NCAM1: variants seen among roughly 807,000 people sequenced by gnomAD.
NCAM1 encodes the protein neural cell adhesion molecule 1.
NCAM1 carries 14 observed loss-of-function variants against 109.8 expected under a neutral mutation model. The observed-to-expected ratio is 0.13, with a 90% CI of 0.08 to 0.20. The LOEUF is 0.20. NCAM1 is among the 10% of genes least tolerant of loss of function. The pLI, the probability that NCAM1 is intolerant of heterozygous loss-of-function variation, is 1.00. For synonymous variants in NCAM1, 418 were observed against 442.9 expected (o/e 0.94, Z 0.70); for missense variants, 774 against 1,109.9 (o/e 0.70, Z 4.30).
Position 113,134,255 on chromosome 11 carries a change from A to G in NCAM1, c.53-68124A>G, listed in dbSNP as rs542896553. ...ATAGTATTTGTCTTTTTATGACTGCATTATTTTACGTAGCATAATAGCCTC... is the reference window on the plus strand; with the variant it reads ...ATAGTATTTGTCTTTTTATGACTGCGTTATTTTACGTAGCATAATAGCCTC... On this transcript the variant is annotated intron_variant, in intron 1 of 19. Transcript: ENST00000316851. Among the ~76,000 whole-genome samples, 13 of 152,274 alleles carry G rather than the reference A, an allele frequency of 8.5e-5. No individual in the cohort carries two copies. In the East Asian group the frequency reaches 2.5e-3, roughly 29 times the overall value.
chr11:113,056,074 A>G (rs1565409392), intron 1 of NCAM1, among the ~76,000 whole-genome samples: 1 of 146,012 alleles, frequency 6.8e-6, no homozygotes, highest in Admixed American at 6.9e-5. Flanking sequence ...CTATTCATCT[A>G]GAAAAAAGAA....
intron 1 of NCAM1, among the ~76,000 whole-genome samples, chr11:113,150,492 A>G (rs570991645): frequency 6.6e-6 from 1 of 152,250 alleles, no homozygotes; most frequent in Admixed American, 6.5e-5. Context: ...TGCTATATTT[A>G]ATTCAACTCC....
chr11:113,162,923 T>G (rs1294393634), intron 1 of NCAM1, among the ~76,000 whole-genome samples: 1 of 152,198 alleles, frequency 6.6e-6, no homozygotes, highest in East Asian at 1.9e-4. Context: ...AAAGAGGCTC[T>G]CAGCTTGGGT....
rs781843716 is a variant in NCAM1, at chr11:113,260,322, A to G, written c.2130A>G (p.Pro710=). 6.2e-7 allele frequency: 1 copy of G among 1,610,098 alleles called. No homozygotes were observed. Among genetic ancestry groups the G allele is most frequent in the East Asian group, 2.2e-5 (1 of 44,828 alleles). The part of the protein sequence containing the change: ...FRTSAQPTAI[P]ANGSPTSGLS... ...CCTCGGCCCAGCCCACAGCCATCCC[A>G]GGTATGGCTGCCTCTGCTTTCTGTT... The change falls in exon 17 of 20, where the codon CCA becomes CCG. Residue 710 remains proline (P), a splice_region_variant and synonymous_variant. Transcript: ENST00000316851.
intron 7 of NCAM1, among the ~76,000 whole-genome samples, chr11:113,211,622 C>G (rs1555113659): frequency 2.0e-5 from 3 of 152,204 alleles, no homozygotes; most frequent in Non-Finnish European, 4.4e-5. Context: ...AGGTCTCATG[C>G]TGCTGTGGCT....
rs1441787727 is a variant in NCAM1, at chr11:113,274,259, C to T, written c.2457-1008C>T. Reference sequence around the variant, plus strand: ...GCTCACCCTCCCCTCCCAACCCCGGCCCCCAGCCCACTCTTGCTTCTCCTG... The same window carrying T: ...GCTCACCCTCCCCTCCCAACCCCGGTCCCCAGCCCACTCTTGCTTCTCCTG... On this transcript the variant is annotated intron_variant, in intron 19 of 19. Transcript: ENST00000316851. This position sits in a 1 kb window ranked among gnomAD's most constrained non-coding sequence, Gnocchi z 4.1. Among the ~76,000 whole-genome samples the T allele has an allele frequency of 6.6e-6, 1 of 152,210 alleles. No homozygotes were observed. Among genetic ancestry groups the T allele is most frequent in the African/African-American group, 2.4e-5 (1 of 41,454 alleles).
chr11:112,967,830 A>G (rs1380891287), intron 1 of NCAM1, among the ~76,000 whole-genome samples: 1 of 152,214 alleles, frequency 6.6e-6, no homozygotes, highest in African/African-American at 2.4e-5. Flanking sequence ...TGGCCTGATT[A>G]TAAGGTTGAA....
At position 113,141,608 on chromosome 11, in the gene NCAM1, C is replaced by T. The variant is rs571243456; in HGVS notation, c.53-60771C>T. ...AGGTTGCAGTGAGCTGAGATTGTGC[C>T]ACTGCACTCCAGCCTGGCGACAGAG... On this transcript the variant is annotated intron_variant, in intron 1 of 19. Coordinates refer to ENST00000316851, the MANE Select transcript of NCAM1 (RefSeq NM_181351.5). 3.9e-5 allele frequency among the ~76,000 whole-genome samples: 6 copies of T among 152,296 alleles called. No individual in the cohort carries two copies. The South Asian group carries it at 1.2e-3, about 32-fold the overall frequency.
At position 113,111,192 on chromosome 11, in the gene NCAM1, G is replaced by C. The variant is rs17114863; in HGVS notation, c.53-91187G>C. On this transcript the variant is annotated intron_variant, in intron 1 of 19. Coordinates refer to ENST00000316851, the MANE Select transcript of NCAM1 (RefSeq NM_181351.5). ...AATATCATACACAGCATTTGTGTGT[G>C]ATATTTAAACAAAGCATTTGTTTTC... Among the ~76,000 whole-genome samples the C allele has an allele frequency of 9.1e-3, 1,383 of 152,162 alleles. 45 individuals are homozygous for C. The highest frequency in any genetic ancestry group is 0.085 in the East Asian group (439 of 5,170).
At chr11:113,238,091 C>A (rs962074679) in intron 14 of NCAM1, among the ~76,000 whole-genome samples, 23 of 151,074 alleles carry the variant, frequency 1.5e-4, no homozygotes, top group Admixed American at 1.3e-4. Context: ...GTCTCCAGAC[C>A]TTGTTGTTTA....
chr11:113,261,998 G>A (rs1420782357), intron 17 of NCAM1, among the ~76,000 whole-genome samples: 2 of 152,142 alleles, frequency 1.3e-5, no homozygotes, highest in Non-Finnish European at 2.9e-5. Context: ...AGCCAGAGAG[G>A]GCTGGGGGAT....
chr11:113,159,126 G>C (rs770227620), intron 1 of NCAM1, among the ~76,000 whole-genome samples: 54 of 152,092 alleles, frequency 3.6e-4, no homozygotes, highest in Admixed American at 5.9e-4. Context: ...ATGCCTGTGA[G>C]ATTTCCACAA....
rs1413653199 is a variant in NCAM1, at chr11:113,275,877, CTG to C, written c.*492_*493del. 6.5e-6 allele frequency: 1 copy of C among 153,144 alleles called. No homozygotes were observed. Among genetic ancestry groups the C allele is most frequent in the Admixed American group, 6.5e-5 (1 of 15,398 alleles). The allele number at this position is 153,144 out of a possible 1,614,324, so 9.5% of individuals were successfully genotyped here. ...TTATACTTTCAGTCAAGTTTGAACT[CTG>C]TAAAACCTCATAAATAAGTTATAAT... On this transcript the variant is annotated 3_prime_UTR_variant, in exon 20 of 20. Coordinates refer to ENST00000316851, the MANE Select transcript of NCAM1 (RefSeq NM_181351.5).
At chr11:113,241,559 A>T (rs1228383756) in intron 14 of NCAM1, among the ~76,000 whole-genome samples, 10 of 152,338 alleles carry the variant, frequency 6.6e-5, no homozygotes, top group African/African-American at 2.2e-4. Flanking sequence ...GCCAGCAGTA[A>T]TGTCAGCTGG....
intron 1 of NCAM1, among the ~76,000 whole-genome samples, chr11:113,199,414 T>C (rs1356051033): frequency 6.6e-6 from 1 of 152,118 alleles, no homozygotes; most frequent in Non-Finnish European, 1.5e-5. Flanking sequence ...TGCTTCGTGT[T>C]TGGGGAAGAA....
At chr11:113,107,524 A>T (rs1337842257) in intron 1 of NCAM1, among the ~76,000 whole-genome samples, 1 of 152,204 alleles carries the variant, frequency 6.6e-6, no homozygotes, top group Admixed American at 6.5e-5. Context: ...ACGGAGTCAC[A>T]GTTCTAAGTG....
chr11:113,259,958 C>A, intron 16 of NCAM1, 188 bp from the exon 17 acceptor site: 1 of 502,174 alleles, frequency 2.0e-6, no homozygotes, highest in Non-Finnish European at 3.5e-6. Context: ...CCCGCCTCGG[C>A]CTCCCAAGGT....
intron 17 of NCAM1, among the ~76,000 whole-genome samples, chr11:113,268,244 T>C (rs1946181053): frequency 6.6e-6 from 1 of 152,208 alleles, no homozygotes; most frequent in Non-Finnish European, 1.5e-5. Context: ...TAACCAGAAA[T>C]ACCTCTGCAT....
chr11:113,096,891 A>G (rs1555090554), intron 1 of NCAM1, among the ~76,000 whole-genome samples: 8 of 151,882 alleles, frequency 5.3e-5, no homozygotes, highest in Non-Finnish European at 1.2e-4. Flanking sequence ...TGCTGCCTCT[A>G]CCTGGAGTGT....
Sources: gnomAD v4.1 joint callset for allele counts (sites outside exome capture counted in the v4.1 genomes callset) on GRCh38, gnomAD v4.1.1 for gene constraint, Gnocchi (gnomAD v3.1) non-coding constraint, MANE v1.5 for transcripts, NCBI Gene and HGNC (gene_info 2026-07-23, HGNC 2026-07-21) for gene names.